The following PDGFC variants were observed in gnomAD, a reference collection of about 807,000 sequenced individuals.
PDGFC encodes platelet derived growth factor C.
A neutral mutation model predicts 35.5 loss-of-function variants in PDGFC; 12 were observed. The ratio of observed to expected loss-of-function variants is 0.34; its 90% CI spans 0.22 to 0.55. PDGFC has a LOEUF of 0.55. PDGFC is among the 20% of genes least tolerant of loss of function. The pLI is 0.91. For missense variants in PDGFC, 322 were observed against 412.4 expected (o/e 0.78, Z 1.90); for synonymous variants, 159 against 148.8 (o/e 1.07, Z -0.50).
chr4:156,818,012 T>A (rs1186122792), intron 2 of PDGFC, among the ~76,000 whole-genome samples: 3 of 149,258 alleles, frequency 2.0e-5, no homozygotes, highest in Admixed American at 1.4e-4. Context: ...TGAGCCAAGA[T>A]CACGCCAACG....
Position 156,821,161 on chromosome 4 carries a change from C to T in PDGFC, c.315-10144G>A, listed in dbSNP as rs370096252. Among the ~76,000 whole-genome samples the T allele has an allele frequency of 1.8e-3, 261 of 141,450 alleles. 1 individual carries two copies. The highest frequency in any genetic ancestry group is 6.9e-3 in the African/African-American group (241 of 34,738). The allele number at this position is 141,450 out of a possible 152,430, so 92.8% of individuals were successfully genotyped here. A position where few individuals can be genotyped will look rare whatever the true frequency, so the allele number is the denominator to read the frequency against. On this transcript the variant is annotated intron_variant, in intron 2 of 5. Coordinates refer to ENST00000502773, the MANE Select transcript of PDGFC (RefSeq NM_016205.3). Reference sequence around the variant, plus strand: ...AGTTGAGACATCCCAAGGAATGTTGCCTGTTGTATGTGTGTGTGTGTGTGT... The same window carrying T: ...AGTTGAGACATCCCAAGGAATGTTGTCTGTTGTATGTGTGTGTGTGTGTGT...
At chr4:156,876,244 C>A (rs1730113996) in intron 1 of PDGFC, among the ~76,000 whole-genome samples, 1 of 152,114 alleles carries the variant, frequency 6.6e-6, no homozygotes, top group South Asian at 2.1e-4. Context: ...GGGAAAAGTT[C>A]TTCAAGGTTC....
In PDGFC at chr4:156,796,224, C is replaced by A. The variant is rs533326474; in HGVS notation, c.495+14613G>T. On this transcript the variant is annotated intron_variant, in intron 3 of 5. Coordinates refer to ENST00000502773, the MANE Select transcript of PDGFC (RefSeq NM_016205.3). ...ATTTAGTGATACAAAATTATACCCT[C>A]CTTCTTGATACTCTTGATTGAGCCA... Among the ~76,000 whole-genome samples the A allele has an allele frequency of 8.5e-5, 13 of 152,238 alleles. 1 individual carries two copies. The South Asian group carries it at 2.5e-3, about 29-fold the overall frequency.
At chr4:156,940,994 C>T (rs950066629) in intron 1 of PDGFC, among the ~76,000 whole-genome samples, 1 of 152,122 alleles carries the variant, frequency 6.6e-6, no homozygotes, top group Admixed American at 6.6e-5. Flanking sequence ...TTGGCTCTAA[C>T]GTCAATGTGG....
At chr4:156,789,306 G>A (rs1731223195) in intron 3 of PDGFC, among the ~76,000 whole-genome samples, 1 of 152,096 alleles carries the variant, frequency 6.6e-6, no homozygotes, top group Non-Finnish European at 1.5e-5. Context: ...AAAGAGTTAG[G>A]CCTATAATTC....
intron 1 of PDGFC, among the ~76,000 whole-genome samples, chr4:156,964,739 G>A (rs962005093): frequency 2.6e-5 from 4 of 152,106 alleles, no homozygotes; most frequent in African/African-American, 9.7e-5. Context: ...TGGCTGTCTA[G>A]TGGCCTTGAC....
rs184045739 is a variant in PDGFC, at chr4:156,897,193, A to G, written c.119-46777T>C. Reference sequence around the variant, plus strand: ...AAGGTAAACAGAGAGACATTTGACTAAAAAATAAGTAAGTCTCACTTTTTT... The same window carrying G: ...AAGGTAAACAGAGAGACATTTGACTGAAAAATAAGTAAGTCTCACTTTTTT... On this transcript the variant is annotated intron_variant, in intron 1 of 5. Transcript: ENST00000502773. Among the ~76,000 whole-genome samples the G allele has an allele frequency of 1.6e-3, 239 of 152,290 alleles. 2 individuals carry two copies. Among genetic ancestry groups the G allele is most frequent in the African/African-American group, 5.6e-3 (231 of 41,554 alleles).
In PDGFC at chr4:156,818,483, T is replaced by C. The variant is rs115236326; in HGVS notation, c.315-7466A>G. ...CACAACTTGTCTAACTGGTGCAACA[T>C]GCCTTCCTCACTAAGTGTCATTCTT... On this transcript the variant is annotated intron_variant, in intron 2 of 5. Transcript: ENST00000502773. Among the ~76,000 whole-genome samples, 178 of 151,312 alleles carry C rather than the reference T, an allele frequency of 1.2e-3. 1 individual carries two copies. Among genetic ancestry groups the C allele is most frequent in the African/African-American group, 4.0e-3 (167 of 41,310 alleles).
At chr4:156,882,397 C>T (rs1730265367) in intron 1 of PDGFC, among the ~76,000 whole-genome samples, 2 of 152,128 alleles carry the variant, frequency 1.3e-5, no homozygotes, top group Admixed American at 1.3e-4. Flanking sequence ...TAGCTCATCA[C>T]AGAATCTACC....
At chr4:156,959,075 C>A (rs969868113) in intron 1 of PDGFC, among the ~76,000 whole-genome samples, 1 of 152,016 alleles carries the variant, frequency 6.6e-6, no homozygotes, top group Non-Finnish European at 1.5e-5. Flanking sequence ...TTTCAATCAT[C>A]TTATTTTCCT....
intron 1 of PDGFC, 101 bp downstream of exon 1, chr4:156,970,685 G>T: frequency 1.3e-6 from 1 of 746,656 alleles, no homozygotes; most frequent in East Asian, 2.5e-5. Context: ...AGAGACCAAA[G>T]ATACCTTCAC....
chr4:156,801,293 G>A (rs1192534958), intron 3 of PDGFC, among the ~76,000 whole-genome samples: 1 of 152,070 alleles, frequency 6.6e-6, no homozygotes, highest in Non-Finnish European at 1.5e-5. Context: ...CCTAGCCTCT[G>A]AATTTTGGGG....
chr4:156,959,458 T>G (rs1282399689), intron 1 of PDGFC, among the ~76,000 whole-genome samples: 2 of 151,966 alleles, frequency 1.3e-5, no homozygotes, highest in Non-Finnish European at 2.9e-5. Flanking sequence ...CCATTCCCTT[T>G]ATTTTGTTTA....
intron 1 of PDGFC, among the ~76,000 whole-genome samples, chr4:156,907,749 GT>G (rs1397659113): frequency 6.6e-6 from 1 of 152,188 alleles, no homozygotes; most frequent in African/African-American, 2.4e-5. Context: ...CTGGGATGAA[GT>G]GGCCCTAACC....
intron 5 of PDGFC, among the ~76,000 whole-genome samples, chr4:156,765,330 A>C (rs1218924092): frequency 6.6e-6 from 1 of 152,192 alleles, no homozygotes; most frequent in African/African-American, 2.4e-5. Flanking sequence ...TCATCTCAGA[A>C]AATTTAGACG....
chr4:156,844,770 C>A (rs978423949), intron 2 of PDGFC, among the ~76,000 whole-genome samples: 10 of 151,946 alleles, frequency 6.6e-5, no homozygotes, highest in African/African-American at 2.2e-4. Flanking sequence ...TATGCATCAA[C>A]TAACATAATT....
chr4:156,879,077 G>T (rs925606468), intron 1 of PDGFC, among the ~76,000 whole-genome samples: 3 of 152,252 alleles, frequency 2.0e-5, no homozygotes, highest in Non-Finnish European at 4.4e-5. Flanking sequence ...ACTGTCAGTT[G>T]TCTTATGAGG....
intron 1 of PDGFC, among the ~76,000 whole-genome samples, chr4:156,886,171 T>C (rs571630923): frequency 1.3e-4 from 20 of 152,294 alleles, no homozygotes; most frequent in East Asian, 7.7e-4. Flanking sequence ...AAGGAGGTAT[T>C]AGAAGATAAA....
intron 1 of PDGFC, among the ~76,000 whole-genome samples, chr4:156,925,591 C>A (rs1311861222): frequency 6.6e-6 from 1 of 151,856 alleles, no homozygotes; most frequent in Non-Finnish European, 1.5e-5. Flanking sequence ...AATTAAGATG[C>A]CTATGAGATC....
Sources: gnomAD v4.1 joint callset for allele counts (sites outside exome capture counted in the v4.1 genomes callset) on GRCh38, gnomAD v4.1.1 for gene constraint, MANE v1.5 for transcripts, NCBI Gene and HGNC (gene_info 2026-07-23, HGNC 2026-07-21) for gene names.